Variants in CSMD3 observed in about 807,000 individuals in gnomAD.
CSMD3 encodes the protein CUB and sushi domain-containing protein 3.
Under a neutral mutation model 435.2 loss-of-function variants are expected in CSMD3, and 177 were observed. The observed-to-expected ratio is 0.41, with a 90% CI of 0.36 to 0.46. The LOEUF (loss-of-function observed/expected upper bound fraction) is 0.46, where lower values mean the gene tolerates loss of function less well. Ranked by LOEUF, CSMD3 falls within the 20% of genes least tolerant of loss-of-function variation. CSMD3 has a pLI of 0.34. For missense variants in CSMD3, 4,265 were observed against 4,504.6 expected (o/e 0.95, Z 1.52); for synonymous variants, 1,656 against 1,520.5 (o/e 1.09, Z -2.07).
At chr8:112,227,805 C>T (rs1038832483) in intron 70 of CSMD3, among the ~76,000 whole-genome samples, 24 of 152,088 alleles carry the variant, frequency 1.6e-4, no homozygotes, top group Admixed American at 1.4e-3. Flanking sequence ...CACTTTGGGA[C>T]GCCGAGGCGG....
intron 50 of CSMD3, among the ~76,000 whole-genome samples, chr8:112,307,714 G>C (rs72672894): frequency 0.23 from 35,704 of 152,086 alleles, 4,380 homozygotes; most frequent in East Asian, 0.36. Flanking sequence ...GATATATGTA[G>C]TGCATTATTG....
chr8:113,348,469 A>C (rs2094166737), intron 1 of CSMD3, among the ~76,000 whole-genome samples: 1 of 152,098 alleles, frequency 6.6e-6, no homozygotes, highest in African/African-American at 2.4e-5. Flanking sequence ...AACCATTCCA[A>C]ATGCAAAGAT....
intron 10 of CSMD3, among the ~76,000 whole-genome samples, chr8:112,907,435 C>T (rs1268865586): frequency 1.3e-5 from 2 of 151,388 alleles, no homozygotes; most frequent in African/African-American, 2.4e-5. Flanking sequence ...ATCCCAGTTC[C>T]AGCACATATA....
chr8:113,415,347 G>C (rs951965050), intron 1 of CSMD3, among the ~76,000 whole-genome samples: 3 of 152,186 alleles, frequency 2.0e-5, no homozygotes, highest in African/African-American at 7.2e-5. Flanking sequence ...GAAGAGAAGA[G>C]AGGTAGAATG....
At chr8:112,915,136 C>T (rs528754225) in intron 10 of CSMD3, among the ~76,000 whole-genome samples, 1 of 151,886 alleles carries the variant, frequency 6.6e-6, no homozygotes, top group East Asian at 1.9e-4. Flanking sequence ...TCAACATTTC[C>T]TTTTATATAG....
chr8:112,411,219 C>T (rs1218591580), intron 32 of CSMD3, among the ~76,000 whole-genome samples: 2 of 149,764 alleles, frequency 1.3e-5, no homozygotes, highest in African/African-American at 4.9e-5. Context: ...TATGTTGAGA[C>T]TATAACTGTT....
intron 1 of CSMD3, among the ~76,000 whole-genome samples, chr8:113,388,844 T>A (rs558879289): frequency 5.3e-5 from 8 of 151,640 alleles, no homozygotes; most frequent in Admixed American, 2.0e-4. Context: ...TATTAGCTAC[T>A]GAGTCAAATT....
At chr8:112,423,740 G>A (rs899460504) in intron 32 of CSMD3, among the ~76,000 whole-genome samples, 3 of 152,132 alleles carry the variant, frequency 2.0e-5, no homozygotes, top group Non-Finnish European at 4.4e-5. Context: ...AAAGAAAGTT[G>A]AGACTTTTTT....
intron 23 of CSMD3, among the ~76,000 whole-genome samples, chr8:112,573,983 G>GTTGGTTAC (rs1471278042): frequency 2.6e-5 from 4 of 151,942 alleles, no homozygotes; most frequent in Non-Finnish European, 4.4e-5. Context: ...GGTTTCTAAA[G>GTTGGTTAC]TTGGTTACTT....
intron 1 of CSMD3, among the ~76,000 whole-genome samples, chr8:113,327,086 A>G (rs1176918803): frequency 6.6e-6 from 1 of 152,216 alleles, no homozygotes; most frequent in East Asian, 1.9e-4. Context: ...AAGAGCTTAT[A>G]TAAAATACTA....
In CSMD3 at chr8:112,516,802, A is replaced by T. The variant is rs529082415; in HGVS notation, c.4756+232T>A. The stretch of plus-strand genomic sequence containing the variant: ...AATTTTCCAAGAGCTTTGATTCATA[A>T]CTGTTTTAGAATCTTAGAAGCATTG... On this transcript the variant is annotated intron_variant, in intron 28 of 70. Transcript: ENST00000297405. Among the ~76,000 whole-genome samples the T allele has an allele frequency of 4.5e-4, 68 of 152,272 alleles. No homozygotes were observed. The East Asian group carries it at 0.013, about 29-fold the overall frequency.
intron 22 of CSMD3, among the ~76,000 whole-genome samples, chr8:112,598,089 C>G (rs1831924709): frequency 6.7e-6 from 1 of 149,036 alleles, no homozygotes; most frequent in Non-Finnish European, 1.5e-5. Flanking sequence ...TCCCTGTTTG[C>G]AGATGACATG....
chr8:113,076,878 T>C (rs2089360714), intron 5 of CSMD3, among the ~76,000 whole-genome samples: 1 of 152,148 alleles, frequency 6.6e-6, no homozygotes. Flanking sequence ...ATTCAAGTAA[T>C]AATTCATCAT....
intron 7 of CSMD3, among the ~76,000 whole-genome samples, chr8:112,964,023 G>A (rs1452014527): frequency 9.9e-5 from 15 of 151,932 alleles, no homozygotes; most frequent in Admixed American, 9.2e-4. Context: ...CCAGAAAGGG[G>A]CAGTATCATT....
chr8:112,587,045 A>T (rs1830789259), intron 23 of CSMD3, 21 bp downstream of exon 23: 1 of 1,573,104 alleles, frequency 6.4e-7, no homozygotes, highest in African/African-American at 1.3e-5. Flanking sequence ...ACAATATACA[A>T]GTATGTCTGA....
intron 5 of CSMD3, among the ~76,000 whole-genome samples, chr8:113,092,324 T>C (rs1466259511): frequency 6.6e-6 from 1 of 152,090 alleles, no homozygotes; most frequent in Non-Finnish European, 1.5e-5. Context: ...CATATTTCTA[T>C]AATATGTAAA....
At chr8:113,124,731 C>G (rs567645189) in intron 4 of CSMD3, among the ~76,000 whole-genome samples, 1 of 152,026 alleles carries the variant, frequency 6.6e-6, no homozygotes, top group South Asian at 2.1e-4. Context: ...AGTTGAAAAG[C>G]TTAATAAGGA....
intron 5 of CSMD3, among the ~76,000 whole-genome samples, chr8:113,059,565 T>C (rs2088509571): frequency 6.6e-6 from 1 of 152,202 alleles, no homozygotes. Context: ...GAAACTACTA[T>C]TTAAAACATA....
At chr8:113,434,590 G>T (rs2094693887) in intron 1 of CSMD3, among the ~76,000 whole-genome samples, 1 of 152,152 alleles carries the variant, frequency 6.6e-6, no homozygotes, top group Non-Finnish European at 1.5e-5. Context: ...AGTGCCCGAT[G>T]AGTGACAATA....
Sources: gnomAD v4.1 joint callset for allele counts (sites outside exome capture counted in the v4.1 genomes callset) on GRCh38, gnomAD v4.1.1 for gene constraint, MANE v1.5 for transcripts, NCBI Gene and HGNC (gene_info 2026-07-23, HGNC 2026-07-21) for gene names.